Variants in CDR2L observed in about 807,000 individuals in gnomAD.
The protein encoded by CDR2L is cerebellar degeneration-related protein 2-like.
In CDR2L, 19 loss-of-function variants were observed where a neutral mutation model predicts 36.1. The observed-to-expected ratio is 0.53, with a 90% CI of 0.37 to 0.77. CDR2L has a LOEUF of 0.77. CDR2L is among the 30% of genes least tolerant of loss of function. The probability of loss-of-function intolerance (pLI) is 0.00; values close to 1 mark genes in which losing one functional copy is unlikely to be tolerated. For missense variants in CDR2L, 575 were observed against 627.2 expected (o/e 0.92, Z 0.89); for synonymous variants, 285 against 280.4 (o/e 1.02, Z -0.16).
At chr17:74,999,456 T>A in intron 1 of CDR2L, 48 bp from the exon 2 acceptor site, 1 of 1,290,256 alleles carries the variant, frequency 7.8e-7, no homozygotes. Flanking sequence ...GGAACATGAA[T>A]GGGCGTCCTC....
At chr17:75,003,129 G>C in intron 4 of CDR2L, 54 bp from the exon 5 acceptor site, 1 of 1,533,878 alleles carries the variant, frequency 6.5e-7, no homozygotes, top group South Asian at 1.2e-5. Flanking sequence ...CCGTGCCCGT[G>C]ACCACTGCCC....
At chr17:74,998,032 A>C (rs1567974636) in intron 1 of CDR2L, among the ~76,000 whole-genome samples, 1 of 151,984 alleles carries the variant, frequency 6.6e-6, no homozygotes, top group African/African-American at 2.4e-5. Context: ...CATCCTGGCT[A>C]ACACGGTGAA....
Position 75,004,851 on chromosome 17 carries a change from C to A in CDR2L, c.*777C>A. The A allele has an allele frequency of 6.5e-6, 1 of 153,242 alleles. No homozygotes were observed. Among genetic ancestry groups the A allele is most frequent in the Non-Finnish European group, 1.5e-5 (1 of 68,510 alleles). The allele number at this position is 153,242 out of a possible 1,614,324, so 9.5% of individuals were successfully genotyped here. A position where few individuals can be genotyped will look rare whatever the true frequency, so the allele number is the denominator to read the frequency against. ...TGGCTTCCAACCCCAGAAATGCCTG[C>A]TGGGCCTTAAGCTTTCCAGGGGCCG... On this transcript the variant is annotated 3_prime_UTR_variant, in exon 5 of 5. Transcript: ENST00000337231.
rs1446918164 is a variant in CDR2L, at chr17:74,999,315, CAG to C, written c.80-187_80-186del. 2.0e-3 allele frequency among the ~76,000 whole-genome samples: 287 copies of C among 146,544 alleles called. 2 individuals are homozygous for C. The highest frequency in any genetic ancestry group is 0.013 in the East Asian group (61 of 4,804). On this transcript the variant is annotated intron_variant, in intron 1 of 4. Coordinates refer to ENST00000337231, the MANE Select transcript of CDR2L (RefSeq NM_014603.3). ...ACACACACACACACACACACACACA[CAG>C]ACACACACAAAAAGAACATTCCAGG...
chr17:74,989,764 C>T lies in CDR2L; in HGVS notation c.79+1642C>T, dbSNP rs2039785802. Among the ~76,000 whole-genome samples the T allele has an allele frequency of 6.6e-6, 1 of 152,102 alleles. No homozygotes were observed. The highest frequency in any genetic ancestry group is 2.1e-4 in the South Asian group (1 of 4,826). On this transcript the variant is annotated intron_variant, in intron 1 of 4. Coordinates refer to ENST00000337231, the MANE Select transcript of CDR2L (RefSeq NM_014603.3). This position sits in a 1 kb window ranked among gnomAD's most constrained non-coding sequence, Gnocchi z 4.2. ...CCATCTCCCGGGTTCAAGTGATTCT[C>T]CTGCCTCAGCCTCCTGAGTAGCTGG... is the stretch of plus-strand genomic sequence containing the variant.
Position 74,989,262 on chromosome 17 carries a change from G to T in CDR2L, c.79+1140G>T, listed in dbSNP as rs1034105894. ...TGGCCAAGACTGGCTGGCAGATGAG[G>T]CTCTGTCCTTGTGCTGAGGACAAGG... On this transcript the variant is annotated intron_variant, in intron 1 of 4. Transcript: ENST00000337231. This position sits in a 1 kb window ranked among gnomAD's most constrained non-coding sequence, Gnocchi z 4.2. Among the ~76,000 whole-genome samples, 4 of 152,292 alleles carry T rather than the reference G, an allele frequency of 2.6e-5. No individual in the cohort carries two copies. The highest frequency in any genetic ancestry group is 2.1e-4 in the South Asian group (1 of 4,822).
Position 75,002,301 on chromosome 17 carries a change from G to C in CDR2L, c.506+73G>C, listed in dbSNP as rs2039872332. ...GGAAGGAGAGGCAGCAGGCAGCAGG[G>C]TGCAGTTGGTGCATCATCCAGGCCA... On this transcript the variant is annotated intron_variant, in intron 4 of 4. Transcript: ENST00000337231. The surrounding 1 kb of genome is among the most constrained non-coding windows in gnomAD (Gnocchi z 4.1). 7.7e-7 allele frequency: 1 copy of C among 1,299,946 alleles called. No individual in the cohort carries two copies. Among genetic ancestry groups the C allele is most frequent in the Admixed American group, 2.2e-5 (1 of 46,478 alleles). The allele number at this position is 1,299,946 out of a possible 1,614,324, so 80.5% of individuals were successfully genotyped here.
chr17:75,001,540 T>C, intron 3 of CDR2L, 51 bp downstream of exon 3: 1 of 1,450,012 alleles, frequency 6.9e-7, no homozygotes, highest in Non-Finnish European at 9.1e-7. Context: ...GCCCCAGGGC[T>C]GAGTGTACAC....
Position 75,003,870 on chromosome 17 carries a change from G to A in CDR2L, c.1194G>A (p.Trp398Ter), listed in dbSNP as rs1195878723. 3 of 1,598,016 alleles carry A rather than the reference G, an allele frequency of 1.9e-6. No individual in the cohort carries two copies. The highest frequency in any genetic ancestry group is 1.3e-5 in the African/African-American group (1 of 74,680). The change falls in exon 5 of 5, where the codon TGG (tryptophan) becomes TGA (stop). Residue 398 changes from tryptophan (W) to a stop codon, truncating the protein, a stop_gained. Transcript: ENST00000337231. LOFTEE classifies it high-confidence loss of function. Reference protein sequence around the residue: ...TSRPISRDSSWRDLRGGEEGQ... With the variant: ...TSRPISRDSS ...GCCCCATCTCCCGGGACAGCTCGTG[G>A]AGGGACCTGCGCGGGGGTGAGGAGG...
chr17:74,991,742 G>T (rs1376100623), intron 1 of CDR2L, among the ~76,000 whole-genome samples: 1 of 105,640 alleles, frequency 9.5e-6, no homozygotes. Flanking sequence ...GAAAGAAAAA[G>T]CCATTAATTA....
intron 2 of CDR2L, among the ~76,000 whole-genome samples, chr17:75,000,550 A>G (rs1375345724): frequency 2.8e-5 from 4 of 144,994 alleles, no homozygotes; most frequent in Non-Finnish European, 4.5e-5. Flanking sequence ...TGCCCGCCTC[A>G]GCCTCCCAAA....
At chr17:74,998,506 G>T (rs1239545246) in intron 1 of CDR2L, among the ~76,000 whole-genome samples, 1 of 151,162 alleles carries the variant, frequency 6.6e-6, no homozygotes, top group East Asian at 1.9e-4. Context: ...CCCAGCCTGG[G>T]TCCCATCCCT....
In CDR2L at chr17:75,001,521, C is replaced by T. The variant is rs758799501; in HGVS notation, c.341+32C>T. 1.1e-5 allele frequency: 17 copies of T among 1,491,962 alleles called. No homozygotes were observed. In the East Asian group the frequency reaches 1.7e-4, roughly 15 times the overall value. The allele number at this position is 1,491,962 out of a possible 1,614,324, so 92.4% of individuals were successfully genotyped here. A position where few individuals can be genotyped will look rare whatever the true frequency, so the allele number is the denominator to read the frequency against. ...GCCCGGCTGAGGGCTGGGGGGCGGG[C>T]GAGGGAGAGCCCCAGGGCTGAGTGT... is the stretch of plus-strand genomic sequence containing the variant. On this transcript the variant is annotated intron_variant, in intron 3 of 4. Coordinates refer to ENST00000337231, the MANE Select transcript of CDR2L (RefSeq NM_014603.3).
At chr17:74,998,368 C>G (rs2039843675) in intron 1 of CDR2L, among the ~76,000 whole-genome samples, 1 of 24,656 alleles carries the variant, frequency 4.1e-5, no homozygotes, top group Non-Finnish European at 2.0e-4. Flanking sequence ...ATTGCACCAC[C>G]TTTCTTTTTT....
intron 1 of CDR2L, among the ~76,000 whole-genome samples, chr17:74,997,958 C>CGTGA (rs1245090955): frequency 6.6e-6 from 1 of 150,746 alleles, no homozygotes; most frequent in African/African-American, 2.4e-5. Flanking sequence ...CGGTGGCTCA[C>CGTGA]GCCTGTAATC....
rs1438038215 is a variant in CDR2L at position 75,002,420 on chromosome 17, A to G, written c.506+192A>G. On this transcript the variant is annotated intron_variant, in intron 4 of 4. Transcript: ENST00000337231. This position sits in a 1 kb window ranked among gnomAD's most constrained non-coding sequence, Gnocchi z 4.1. ...CTGCCACTATGCTGATATAATTCTT[A>G]TTGCAACACTGTTGGGGGTGTTTTA... Among the ~76,000 whole-genome samples the G allele has an allele frequency of 6.6e-6, 1 of 152,122 alleles. No homozygotes were observed. The highest frequency in any genetic ancestry group is 2.4e-5 in the African/African-American group (1 of 41,406).
chr17:74,987,886 C>A lies in CDR2L; in HGVS notation c.-158C>A. On this transcript the variant is annotated 5_prime_UTR_variant, in exon 1 of 5. Coordinates refer to ENST00000337231, the MANE Select transcript of CDR2L (RefSeq NM_014603.3). ...GGCAAAGCGCCAGGCCCCGCGTGGG[C>A]TCCCGGCGAGCGGTTGATGGCGAGG... The A allele has an allele frequency of 3.1e-6, 1 of 323,390 alleles. No individual in the cohort carries two copies. The highest frequency in any genetic ancestry group is 2.2e-5 in the African/African-American group (1 of 45,644). The allele number at this position is 323,390 out of a possible 1,614,324, so 20.0% of individuals were successfully genotyped here.
At chr17:75,000,617 T>TTA (rs2039859990) in intron 2 of CDR2L, among the ~76,000 whole-genome samples, 1 of 114,298 alleles carries the variant, frequency 8.7e-6, no homozygotes, top group Non-Finnish European at 1.8e-5. Flanking sequence ...TTTTAGAAGT[T>TTA]AAAAAAAAAA....
intron 1 of CDR2L, among the ~76,000 whole-genome samples, chr17:74,991,693 G>A (rs1377119675): frequency 1.3e-5 from 2 of 151,244 alleles, no homozygotes; most frequent in Admixed American, 1.3e-4. Context: ...CTCCAGCCTG[G>A]GCGACAGAGT....
Sources: allele counts gnomAD v4.1 joint callset (sites outside exome capture counted in the v4.1 genomes callset), GRCh38; gene constraint gnomAD v4.1.1; non-coding constraint Gnocchi (gnomAD v3.1); transcripts MANE v1.5; gene names NCBI Gene and HGNC (gene_info 2026-07-23, HGNC 2026-07-21).